ASIC2: variants seen among roughly 807,000 people sequenced by gnomAD.
The protein encoded by ASIC2 is acid sensing ion channel subunit 2.
A neutral mutation model predicts 57.3 loss-of-function variants in ASIC2; 25 were observed. The ratio of observed to expected loss-of-function variants is 0.44; its 90% CI spans 0.32 to 0.61. ASIC2 has a LOEUF of 0.61. Ranked by LOEUF, ASIC2 falls within the 20% of genes least tolerant of loss-of-function variation. ASIC2 has a pLI of 0.06. For missense variants in ASIC2, 641 were observed against 738.1 expected (o/e 0.87, Z 1.52); for synonymous variants, 319 against 307.5 (o/e 1.04, Z -0.39).
chr17:33,066,428 A>C (rs1312184708), intron 3 of ASIC2, among the ~76,000 whole-genome samples: 2 of 152,140 alleles, frequency 1.3e-5, no homozygotes, highest in Non-Finnish European at 2.9e-5. Flanking sequence ...AGAGCTTTGG[A>C]GGCCACCCAG....
intron 3 of ASIC2, among the ~76,000 whole-genome samples, chr17:33,059,869 A>G (rs2092013376): frequency 1.3e-5 from 2 of 152,056 alleles, no homozygotes; most frequent in South Asian, 4.1e-4. Context: ...GTGTGAGATG[A>G]TATCTCGTTG....
chr17:33,983,560 G>A (rs1905701706), intron 1 of ASIC2, among the ~76,000 whole-genome samples: 1 of 152,178 alleles, frequency 6.6e-6, no homozygotes, highest in Non-Finnish European at 1.5e-5. Context: ...CCTCTTCTCA[G>A]TCTTCTGAGG....
chr17:33,236,148 G>C (rs1908288988), intron 1 of ASIC2, among the ~76,000 whole-genome samples: 2 of 151,930 alleles, frequency 1.3e-5, no homozygotes, highest in African/African-American at 4.8e-5. Flanking sequence ...TTTAGACTTA[G>C]AGGTGATGGG....
chr17:33,880,248 C>T (rs1413281258), intron 1 of ASIC2, among the ~76,000 whole-genome samples: 3 of 152,090 alleles, frequency 2.0e-5, no homozygotes, highest in Non-Finnish European at 2.9e-5. Context: ...CAAGAAATAA[C>T]TAAGATCAGA....
intron 1 of ASIC2, among the ~76,000 whole-genome samples, chr17:33,164,796 C>T (rs979645443): frequency 1.6e-4 from 25 of 152,144 alleles, no homozygotes; most frequent in African/African-American, 5.3e-4. Flanking sequence ...CTTCAGAATG[C>T]CCCTTGCCTT....
At chr17:34,077,289 G>A (rs1385260090) in intron 1 of ASIC2, among the ~76,000 whole-genome samples, 2 of 152,184 alleles carry the variant, frequency 1.3e-5, no homozygotes, top group African/African-American at 2.4e-5. Flanking sequence ...CTGGTCTGCA[G>A]TTCAGGGACC....
intron 1 of ASIC2, among the ~76,000 whole-genome samples, chr17:33,365,479 A>T (rs1908774262): frequency 6.6e-6 from 1 of 152,046 alleles, no homozygotes; most frequent in Non-Finnish European, 1.5e-5. Context: ...CTCACTTTAG[A>T]AGATTCGTTC....
At chr17:33,969,684 G>T (rs1905171486) in intron 1 of ASIC2, among the ~76,000 whole-genome samples, 3 of 152,132 alleles carry the variant, frequency 2.0e-5, no homozygotes, top group Non-Finnish European at 4.4e-5. Context: ...CTATTCTCCA[G>T]CTCCCATCAT....
intron 1 of ASIC2, among the ~76,000 whole-genome samples, chr17:33,651,955 C>T (rs181836491): frequency 7.2e-4 from 110 of 152,280 alleles, no homozygotes; most frequent in South Asian, 1.7e-3. Flanking sequence ...CACATCATCC[C>T]GCTGTGGTGT....
chr17:33,696,710 G>A (rs1908540085), intron 1 of ASIC2, among the ~76,000 whole-genome samples: 2 of 152,192 alleles, frequency 1.3e-5, no homozygotes, highest in Non-Finnish European at 2.9e-5. Flanking sequence ...CTGCTGGCCA[G>A]AAGCCAAACT....
At chr17:33,510,738 T>G (rs1914405998) in intron 1 of ASIC2, among the ~76,000 whole-genome samples, 1 of 152,196 alleles carries the variant, frequency 6.6e-6, no homozygotes, top group Non-Finnish European at 1.5e-5. Flanking sequence ...TCCTTTGGAC[T>G]GGTGGCCACT....
chr17:33,056,513 G>C (rs893787877), intron 3 of ASIC2, among the ~76,000 whole-genome samples: 2 of 152,100 alleles, frequency 1.3e-5, no homozygotes, highest in Non-Finnish European at 1.5e-5. Context: ...GAGCCATGTT[G>C]GGACTCTCTG....
chr17:33,390,688 C>T (rs954384198), intron 1 of ASIC2, among the ~76,000 whole-genome samples: 16 of 152,290 alleles, frequency 1.1e-4, no homozygotes, highest in Non-Finnish European at 1.9e-4. Flanking sequence ...AGTCCTCTGC[C>T]GCTAGGACCT....
At chr17:33,406,486 A>G (rs191882518) in intron 1 of ASIC2, among the ~76,000 whole-genome samples, 1 of 152,226 alleles carries the variant, frequency 6.6e-6, no homozygotes, top group Admixed American at 6.5e-5. Context: ...AACACAGAAC[A>G]CAGCACTGTG....
chr17:33,988,928 CA>C (rs1449854724), intron 1 of ASIC2, among the ~76,000 whole-genome samples: 1 of 152,032 alleles, frequency 6.6e-6, no homozygotes, highest in Non-Finnish European at 1.5e-5. Context: ...CAGGCTGAGC[CA>C]AAACTTTGCC....
intron 1 of ASIC2, among the ~76,000 whole-genome samples, chr17:33,579,812 G>T (rs9914685): frequency 1.3e-5 from 2 of 151,598 alleles, no homozygotes; most frequent in African/African-American, 2.4e-5. Context: ...ACACCCCTTG[G>T]ATTTCGGCGT....
Position 33,291,492 on chromosome 17 carries a change from C to T in ASIC2, c.624G>A (p.Met208Ile), listed in dbSNP as rs115026436. The change falls in exon 1 of 10, where the codon ATG (methionine) becomes ATA (isoleucine). Residue 208 changes from methionine to isoleucine, a missense_variant. Physicochemically the swap from Met to Ile is conservative, Grantham distance 10. Around this residue, in one of 3 missense-constraint regions of ASIC2, gnomAD observed 382 missense variants for 398.0 expected, o/e 0.96. Transcript: ENST00000225823. Reference sequence around the variant, plus strand: ...CCTCCAGCTGGTGGCCCAGGCGGTCCATGAAGGCGGCGCTGATTCCCTCGA... The same window carrying T: ...CCTCCAGCTGGTGGCCCAGGCGGTCTATGAAGGCGGCGCTGATTCCCTCGA... ...RHFEGISAAF[M>I]DRLGHQLEDM... 782 of 1,612,680 alleles carry T rather than the reference C, an allele frequency of 4.8e-4. 2 individuals carry two copies. The African/African-American group carries it at 9.3e-3, about 19-fold the overall frequency.
At chr17:33,669,514 G>T (rs1265797560) in intron 1 of ASIC2, among the ~76,000 whole-genome samples, 2 of 152,150 alleles carry the variant, frequency 1.3e-5, no homozygotes, top group Non-Finnish European at 2.9e-5. Flanking sequence ...TTCACCTTCA[G>T]CAGCAGAAGC....
intron 1 of ASIC2, among the ~76,000 whole-genome samples, chr17:33,227,823 G>T (rs1037973211): frequency 6.6e-6 from 1 of 152,230 alleles, no homozygotes; most frequent in Non-Finnish European, 1.5e-5. Flanking sequence ...TAAGAGGCCA[G>T]CCCAGGATTT....
Sources: gnomAD v4.1 joint callset for allele counts (sites outside exome capture counted in the v4.1 genomes callset) on GRCh38, gnomAD v4.1.1 for gene constraint, gnomAD v4.1.1 regional missense constraint, MANE v1.5 for transcripts, NCBI Gene and HGNC (gene_info 2026-07-23, HGNC 2026-07-21) for gene names.